ERC1: variants seen among roughly 807,000 people sequenced by gnomAD.
ERC1 encodes RAB6 interacting protein 2.
A neutral mutation model predicts 132.0 loss-of-function variants in ERC1; 56 were observed. The observed-to-expected ratio is 0.42, with a 90% CI of 0.34 to 0.53. The LOEUF is 0.53. Among genes scored for constraint, ERC1 ranks in the 20% least tolerant of loss-of-function variants. The pLI, the probability that ERC1 is intolerant of heterozygous loss-of-function variation, is 0.03. For synonymous variants in ERC1, 478 were observed against 476.1 expected (o/e 1.00, Z -0.05); for missense variants, 1,202 against 1,349.9 (o/e 0.89, Z 1.72).
chr12:1,141,512 T>G, intron 7 of ERC1, 108 bp from the exon 8 acceptor site: 1 of 835,740 alleles, frequency 1.2e-6, no homozygotes, highest in East Asian at 3.0e-5. Context: ...ACTACTTTTA[T>G]AGAATAACAA....
At chr12:1,004,379 ATTTC>A (rs1208363978) in intron 1 of ERC1, among the ~76,000 whole-genome samples, 3 of 145,214 alleles carry the variant, frequency 2.1e-5, no homozygotes, top group Non-Finnish European at 1.5e-5. Context: ...TGGTTAATAA[ATTTC>A]TTTCTTTTTT....
intron 15 of ERC1, among the ~76,000 whole-genome samples, chr12:1,350,178 A>C (rs1235599398): frequency 6.6e-6 from 1 of 152,200 alleles, no homozygotes; most frequent in African/African-American, 2.4e-5. Flanking sequence ...CGTTCAGTTT[A>C]TTCTGTTGTT....
intron 14 of ERC1, among the ~76,000 whole-genome samples, chr12:1,285,756 A>G (rs2078999795): frequency 6.6e-6 from 1 of 152,234 alleles, no homozygotes; most frequent in Non-Finnish European, 1.5e-5. Flanking sequence ...CAATTTGGAA[A>G]TATAAAAGAG....
At chr12:1,122,935 G>T (rs1388565928) in intron 7 of ERC1, among the ~76,000 whole-genome samples, 1 of 152,008 alleles carries the variant, frequency 6.6e-6, no homozygotes, top group African/African-American at 2.4e-5. Context: ...CTCTATACCT[G>T]GGGCAGAGCA....
intron 16 of ERC1, among the ~76,000 whole-genome samples, chr12:1,381,732 C>A (rs772394994): frequency 3.3e-5 from 5 of 152,138 alleles, no homozygotes; most frequent in Non-Finnish European, 7.4e-5. Flanking sequence ...TCTGGAATTG[C>A]CTTGCACTTC....
At chr12:1,091,120 C>G in intron 3 of ERC1, among the ~76,000 whole-genome samples, 1 of 152,124 alleles carries the variant, frequency 6.6e-6, no homozygotes, top group South Asian at 2.1e-4. Flanking sequence ...AACTCCTGAC[C>G]TCAGGTGATC....
At chr12:1,470,600 A>T (rs1043596152) in intron 18 of ERC1, among the ~76,000 whole-genome samples, 1 of 151,616 alleles carries the variant, frequency 6.6e-6, no homozygotes, top group Non-Finnish European at 1.5e-5. Flanking sequence ...AAGGAGGGAA[A>T]TTTTTCTCCA....
chr12:1,309,575 C>A (rs576613635), intron 15 of ERC1, among the ~76,000 whole-genome samples: 1 of 152,110 alleles, frequency 6.6e-6, no homozygotes, highest in Non-Finnish European at 1.5e-5. Context: ...ACTCTGACCC[C>A]AATAAGAAAA....
chr12:1,341,665 G>A (rs1364402624), intron 15 of ERC1, among the ~76,000 whole-genome samples: 1 of 151,150 alleles, frequency 6.6e-6, no homozygotes, highest in Non-Finnish European at 1.5e-5. Context: ...CTGTCATGGG[G>A]TGGGGGGTTG....
intron 7 of ERC1, among the ~76,000 whole-genome samples, chr12:1,134,515 T>TAAA (rs1003842545): frequency 3.3e-5 from 5 of 151,798 alleles, no homozygotes; most frequent in African/African-American, 1.2e-4. Flanking sequence ...CTTGGCTAAT[T>TAAA]AAAAAAAATT....
intron 18 of ERC1, among the ~76,000 whole-genome samples, chr12:1,457,917 A>C (rs115028739): frequency 0.012 from 1,762 of 152,178 alleles, 25 homozygotes; most frequent in African/African-American, 0.038. Flanking sequence ...AAAAAGAAAA[A>C]AAAGTTAGTC....
chr12:1,439,127 A>G (rs1257691381), intron 17 of ERC1, among the ~76,000 whole-genome samples: 1 of 152,158 alleles, frequency 6.6e-6, no homozygotes, highest in Non-Finnish European at 1.5e-5. Context: ...GCACAGAGGC[A>G]GTAGAGTGGG....
At chr12:1,174,386 C>G (rs1050946163) in intron 8 of ERC1, among the ~76,000 whole-genome samples, 1 of 152,174 alleles carries the variant, frequency 6.6e-6, no homozygotes, top group African/African-American at 2.4e-5. Context: ...GAATAGCCAT[C>G]CCTTTTCACT....
chr12:1,025,677 A>G (rs1382275175), intron 1 of ERC1, among the ~76,000 whole-genome samples: 5 of 152,198 alleles, frequency 3.3e-5, no homozygotes. Context: ...TGTTTCTCAA[A>G]GAGCAACAAG....
chr12:1,394,368 C>G (rs1403690011), intron 16 of ERC1, among the ~76,000 whole-genome samples: 2 of 152,172 alleles, frequency 1.3e-5, no homozygotes, highest in East Asian at 1.9e-4. Context: ...CCACTGCACT[C>G]TAGCCTGGGT....
chr12:1,169,396 C>A lies in ERC1; in HGVS notation c.1738-11144C>A, dbSNP rs929694940. 2.0e-5 allele frequency among the ~76,000 whole-genome samples: 3 copies of A among 152,334 alleles called. No homozygotes were observed. In the South Asian group the frequency reaches 6.2e-4, roughly 32 times the overall value. On this transcript the variant is annotated intron_variant, in intron 8 of 18. Coordinates refer to ENST00000360905, the MANE Select transcript of ERC1 (RefSeq NM_178040.4). ...TTATGAGGTGCCATGGTTTGAATTC[C>A]TTCCCCCTACTTGGGACAACAGCTT...
In ERC1 at chr12:1,223,919, C is replaced by T. The variant is rs141282571; in HGVS notation, c.2352-12850C>T. 2.4e-4 allele frequency among the ~76,000 whole-genome samples: 37 copies of T among 152,212 alleles called. 1 individual carries two copies. In the East Asian group the frequency reaches 7.1e-3, roughly 29 times the overall value. ...CTAAACCATTAAATCCATGGCACCT[C>T]ACGATAGGAATTTACTAACATCTGG... is the stretch of plus-strand genomic sequence containing the variant. On this transcript the variant is annotated intron_variant, in intron 12 of 18. Coordinates refer to ENST00000360905, the MANE Select transcript of ERC1 (RefSeq NM_178040.4).
chr12:1,111,598 C>G (rs1593363045), intron 5 of ERC1, among the ~76,000 whole-genome samples: 1 of 151,914 alleles, frequency 6.6e-6, no homozygotes, highest in East Asian at 1.9e-4. Flanking sequence ...TAAAAACTCA[C>G]ATACCCAACT....
chr12:1,121,883 GTCTCTATCTCTATCTCTA>G (rs1243960722), intron 7 of ERC1, among the ~76,000 whole-genome samples: 83 of 28,888 alleles, frequency 2.9e-3, no homozygotes, highest in Non-Finnish European at 4.4e-3. Flanking sequence ...CTCTATCTGT[GTCTCTATCTCTATCTCTA>G]TCTCTATCTC....
Sources: gnomAD v4.1 joint callset for allele counts (sites outside exome capture counted in the v4.1 genomes callset) on GRCh38, gnomAD v4.1.1 for gene constraint, MANE v1.5 for transcripts, NCBI Gene and HGNC (gene_info 2026-07-23, HGNC 2026-07-21) for gene names.